DAB2IP: variants seen among roughly 807,000 people sequenced by gnomAD.
DAB2IP encodes the protein disabled homolog 2-interacting protein.
Under a neutral mutation model 107.2 loss-of-function variants are expected in DAB2IP, and 28 were observed. The ratio of observed to expected loss-of-function variants is 0.26; its 90% CI spans 0.19 to 0.36. The LOEUF (loss-of-function observed/expected upper bound fraction) is 0.36, where lower values mean the gene tolerates loss of function less well. DAB2IP is among the 10% of genes least tolerant of loss of function. DAB2IP has a pLI of 1.00. For synonymous variants in DAB2IP, 755 were observed against 706.4 expected (o/e 1.07, Z -1.09); for missense variants, 1,400 against 1,644.7 (o/e 0.85, Z 2.57).
chr9:121,757,701 A>G (rs1833591358), intron 4 of DAB2IP, among the ~76,000 whole-genome samples: 1 of 151,984 alleles, frequency 6.6e-6, no homozygotes, highest in Non-Finnish European at 1.5e-5. Flanking sequence ...CAGAGAAGGC[A>G]CAAAGACATC....
chr9:121,768,477 A>G (rs1360284114), exon 10 of DAB2IP: 9 of 1,614,102 alleles, frequency 5.6e-6, no homozygotes, highest in Non-Finnish European at 6.8e-6. Context: ...ACCAGTTCCT[A>G]GAGCATGAGT....
intron 1 of DAB2IP, among the ~76,000 whole-genome samples, chr9:121,660,623 C>T (rs905894132): frequency 6.6e-5 from 10 of 152,260 alleles, no homozygotes; most frequent in Admixed American, 2.0e-4. Flanking sequence ...GCTCCTGCCA[C>T]GATCTCTCCC....
At chr9:121,749,731 A>G (rs1832972385) in intron 3 of DAB2IP, among the ~76,000 whole-genome samples, 1 of 152,156 alleles carries the variant, frequency 6.6e-6, no homozygotes, top group Admixed American at 6.5e-5. Context: ...TTTTTAAAGA[A>G]ATTTGAGGCA....
intron 1 of DAB2IP, among the ~76,000 whole-genome samples, chr9:121,629,108 A>G (rs374926317): frequency 1.3e-5 from 2 of 152,306 alleles, no homozygotes; most frequent in African/African-American, 4.8e-5. Context: ...CCCCAGACTC[A>G]GTGATGGACC....
At chr9:121,673,258 C>T (rs1031838250) in intron 1 of DAB2IP, among the ~76,000 whole-genome samples, 2 of 152,192 alleles carry the variant, frequency 1.3e-5, no homozygotes, top group African/African-American at 2.4e-5. Flanking sequence ...CCTCCATCTT[C>T]TCTGGGGCTG....
intron 1 of DAB2IP, among the ~76,000 whole-genome samples, chr9:121,661,211 G>C (rs1833185191): frequency 6.6e-6 from 1 of 152,094 alleles, no homozygotes; most frequent in South Asian, 2.1e-4. Context: ...TCAGGAGAAG[G>C]CGAGAAAGGT....
Position 121,635,119 on chromosome 9 carries a change from G to A in DAB2IP, c.41-43559G>A, listed in dbSNP as rs1832041686. On this transcript the variant is annotated intron_variant, in intron 1 of 16. Transcript: ENST00000259371. The surrounding 1 kb of genome is among the most constrained non-coding windows in gnomAD (Gnocchi z 4.3). ...AGAGGGTGGCTATGGAGTGGAGGGGGCTGGAGAGGCCAGGCCTCCGTGTGG... is the reference window on the plus strand; with the variant it reads ...AGAGGGTGGCTATGGAGTGGAGGGGACTGGAGAGGCCAGGCCTCCGTGTGG... 6.6e-6 allele frequency among the ~76,000 whole-genome samples: 1 copy of A among 152,208 alleles called. No homozygotes were observed. The highest frequency in any genetic ancestry group is 1.5e-5 in the Non-Finnish European group (1 of 68,044).
intron 3 of DAB2IP, among the ~76,000 whole-genome samples, chr9:121,748,376 CA>C (rs1390629690): frequency 6.6e-6 from 1 of 152,204 alleles, no homozygotes; most frequent in Non-Finnish European, 1.5e-5. Flanking sequence ...GAGTGTCCCA[CA>C]GAGGGTGACC....
intron 3 of DAB2IP, among the ~76,000 whole-genome samples, chr9:121,726,855 C>T (rs966685395): frequency 2.0e-5 from 3 of 152,062 alleles, no homozygotes; most frequent in Admixed American, 1.3e-4. Flanking sequence ...CCTTTATCTT[C>T]AAGGGGAAGG....
At chr9:121,590,407 C>G (rs1830402270) in intron 1 of DAB2IP, among the ~76,000 whole-genome samples, 1 of 151,882 alleles carries the variant, frequency 6.6e-6, no homozygotes, top group Non-Finnish European at 1.5e-5. Context: ...CAGGTAAGGA[C>G]CCACCACCCC....
chr9:121,643,396 A>C (rs1020486807), intron 1 of DAB2IP, among the ~76,000 whole-genome samples: 1 of 151,510 alleles, frequency 6.6e-6, no homozygotes, highest in African/African-American at 2.4e-5. Context: ...TGCCCTTACC[A>C]CTTCTCTTCT....
intron 1 of DAB2IP, among the ~76,000 whole-genome samples, chr9:121,597,529 C>A (rs1830555808): frequency 6.6e-6 from 1 of 152,192 alleles, no homozygotes; most frequent in Non-Finnish European, 1.5e-5. Flanking sequence ...GTCCTTAGCA[C>A]CTCCTCTCTC....
intron 1 of DAB2IP, among the ~76,000 whole-genome samples, chr9:121,618,080 C>G (rs77942863): frequency 5.3e-5 from 8 of 152,100 alleles, no homozygotes; most frequent in African/African-American, 1.2e-4. Flanking sequence ...ACAGAAGGCC[C>G]CCCTCAAGCT....
At chr9:121,653,748 C>T (rs796666918) in intron 1 of DAB2IP, among the ~76,000 whole-genome samples, 25 of 152,270 alleles carry the variant, frequency 1.6e-4, no homozygotes, top group African/African-American at 5.8e-4. Flanking sequence ...AGCTGACCTC[C>T]TGCTCAGCTG....
intron 1 of DAB2IP, among the ~76,000 whole-genome samples, chr9:121,597,330 G>A (rs541824418): frequency 4.0e-4 from 61 of 152,158 alleles, no homozygotes; most frequent in Middle Eastern, 3.4e-3. Context: ...TTACTAATAT[G>A]GACATTCTAT....
chr9:121,637,544 C>T (rs559293232), intron 1 of DAB2IP, among the ~76,000 whole-genome samples: 10 of 152,254 alleles, frequency 6.6e-5, no homozygotes, highest in South Asian at 6.2e-4. Context: ...GACATTGAGA[C>T]GTCTCAGCCA....
At chr9:121,620,612 T>C (rs1180402320) in intron 1 of DAB2IP, among the ~76,000 whole-genome samples, 2 of 152,158 alleles carry the variant, frequency 1.3e-5, no homozygotes, top group African/African-American at 4.8e-5. Flanking sequence ...AACTTTGATA[T>C]TATGTTATTG....
intron 15 of DAB2IP, 28 bp downstream of exon 15, chr9:121,781,579 A>G (rs758161107): frequency 1.1e-5 from 17 of 1,608,636 alleles, no homozygotes; most frequent in Non-Finnish European, 1.4e-5. Flanking sequence ...TTGGTCAGCC[A>G]CAAGAGTTAA....
chr9:121,625,881 G>A (rs1263747487), intron 1 of DAB2IP, among the ~76,000 whole-genome samples: 4 of 152,138 alleles, frequency 2.6e-5, no homozygotes, highest in African/African-American at 9.7e-5. Context: ...TCCGGCCATC[G>A]TGGGCCCACA....
Sources: gnomAD v4.1 joint callset for allele counts (sites outside exome capture counted in the v4.1 genomes callset) on GRCh38, gnomAD v4.1.1 for gene constraint, Gnocchi (gnomAD v3.1) non-coding constraint, MANE v1.5 for transcripts, NCBI Gene and HGNC (gene_info 2026-07-23, HGNC 2026-07-21) for gene names.